Variants in SLC24A2 observed in about 807,000 individuals in gnomAD.
SLC24A2 encodes the protein solute carrier family 24 member 2.
In SLC24A2, 36 loss-of-function variants were observed where a neutral mutation model predicts 62.0. The ratio of observed to expected loss-of-function variants is 0.58; its 90% CI spans 0.44 to 0.77. The LOEUF (loss-of-function observed/expected upper bound fraction) is 0.77. SLC24A2 is among the 30% of genes least tolerant of loss of function. The pLI is 0.00. For synonymous variants in SLC24A2, 358 were observed against 294.0 expected, an observed-to-expected ratio of 1.22 and a Z score of -2.23; for missense variants, 846 against 817.9, an observed-to-expected ratio of 1.03 and a Z score of -0.42.
the SLC24A2 span, among the ~76,000 whole-genome samples, chr9:20,250,370 AG>A: frequency 6.6e-6 from 1 of 152,168 alleles, no homozygotes; most frequent in Admixed American, 6.5e-5. Context: ...GATGACAATG[AG>A]CCCCCATCTG....
intron 7 of SLC24A2, 69 bp downstream of exon 7, chr9:19,573,282 G>A: frequency 4.8e-6 from 5 of 1,042,276 alleles, no homozygotes; most frequent in Admixed American, 1.7e-5. Context: ...AGAATATAGG[G>A]TCTGTGCTGC....
At chr9:19,809,814 C>T in the SLC24A2 span, among the ~76,000 whole-genome samples, 2 of 152,110 alleles carry the variant, frequency 1.3e-5, no homozygotes, top group African/African-American at 4.8e-5. Context: ...ACTTCCGTTG[C>T]ATCAGCCACC....
intron 2 of SLC24A2, among the ~76,000 whole-genome samples, chr9:19,733,524 C>T (rs1202618217): frequency 1.3e-5 from 2 of 152,164 alleles, no homozygotes; most frequent in African/African-American, 2.4e-5. Context: ...TGAAGACTAG[C>T]ACAGCACTCA....
the SLC24A2 span, among the ~76,000 whole-genome samples, chr9:20,066,951 C>A: frequency 6.6e-6 from 1 of 152,146 alleles, no homozygotes; most frequent in Non-Finnish European, 1.5e-5. Flanking sequence ...TTAAGGAAAT[C>A]ATTCACATAA....
the SLC24A2 span, among the ~76,000 whole-genome samples, chr9:19,883,067 T>G: frequency 6.6e-6 from 1 of 152,234 alleles, no homozygotes; most frequent in African/African-American, 2.4e-5. Flanking sequence ...AATATTTGAT[T>G]AAACATTTGT....
At chr9:19,916,195 T>G in the SLC24A2 span, among the ~76,000 whole-genome samples, 1 of 152,062 alleles carries the variant, frequency 6.6e-6, no homozygotes, top group African/African-American at 2.4e-5. Flanking sequence ...TTGGAATCCT[T>G]GCAAAACATT....
chr9:19,780,440 G>A (rs1204646954), intron 2 of SLC24A2, among the ~76,000 whole-genome samples: 1 of 150,808 alleles, frequency 6.6e-6, no homozygotes, highest in Non-Finnish European at 1.5e-5. Flanking sequence ...GCTAATTTTT[G>A]TATCTTTAGT....
chr9:20,086,177 C>G, the SLC24A2 span, among the ~76,000 whole-genome samples: 1 of 152,180 alleles, frequency 6.6e-6, no homozygotes, highest in East Asian at 1.9e-4. Flanking sequence ...TTGAACATCT[C>G]CTCTCCAGCA....
At chr9:20,021,898 C>T in the SLC24A2 span, among the ~76,000 whole-genome samples, 1 of 152,270 alleles carries the variant, frequency 6.6e-6, no homozygotes, top group African/African-American at 2.4e-5. Flanking sequence ...TCAGTTTCTG[C>T]TGACTCTGCC....
At chr9:20,100,931 G>T in the SLC24A2 span, among the ~76,000 whole-genome samples, 1 of 152,248 alleles carries the variant, frequency 6.6e-6, no homozygotes, top group South Asian at 2.1e-4. Context: ...GGTCTCTCCA[G>T]AAGCAGACTT....
intron 2 of SLC24A2, among the ~76,000 whole-genome samples, chr9:19,737,770 T>A (rs926661002): frequency 6.6e-6 from 1 of 152,018 alleles, no homozygotes; most frequent in Non-Finnish European, 1.5e-5. Flanking sequence ...AAATCAATAT[T>A]AAGAAAATAT....
At chr9:19,857,345 C>A in the SLC24A2 span, among the ~76,000 whole-genome samples, 2 of 152,180 alleles carry the variant, frequency 1.3e-5, no homozygotes, top group Admixed American at 1.3e-4. Context: ...GGACAATCAT[C>A]TTCCCATCCC....
chr9:20,108,654 C>T, the SLC24A2 span, among the ~76,000 whole-genome samples: 1 of 147,014 alleles, frequency 6.8e-6, no homozygotes, highest in East Asian at 2.0e-4. Context: ...ACAATGAGAA[C>T]ACATGGACAC....
the SLC24A2 span, among the ~76,000 whole-genome samples, chr9:20,115,407 T>G: frequency 6.6e-6 from 1 of 152,122 alleles, no homozygotes; most frequent in East Asian, 1.9e-4. Flanking sequence ...GAGAATTCTT[T>G]CCTGTGCTTG....
chr9:20,032,972 T>G, the SLC24A2 span, among the ~76,000 whole-genome samples: 1 of 152,222 alleles, frequency 6.6e-6, no homozygotes, highest in Non-Finnish European at 1.5e-5. Flanking sequence ...CTTTGCCTTT[T>G]GGGGTCAAAA....
rs1191208881 is a variant in SLC24A2 at position 19,534,012 on chromosome 9, T to A, written c.1480-5874A>T. On this transcript the variant is annotated intron_variant, in intron 8 of 10. Transcript: ENST00000341998. ...AGGATCACTTTAAATGTGCAGTAGCTTTTTTGATGGTTATCTCATGCTTTC... is the reference window on the plus strand; with the variant it reads ...AGGATCACTTTAAATGTGCAGTAGCATTTTTGATGGTTATCTCATGCTTTC... Among the ~76,000 whole-genome samples the A allele has an allele frequency of 2.9e-3, 19 of 6,508 alleles. No individual in the cohort carries two copies. The Admixed American group carries it at 0.041, about 14-fold the overall frequency. 4.3% of individuals were successfully genotyped at this position (6,508 alleles called of 152,430 possible). A position where few individuals can be genotyped will look rare whatever the true frequency, so the allele number is the denominator to read the frequency against.
chr9:19,590,115 T>A (rs1836505509), intron 5 of SLC24A2, among the ~76,000 whole-genome samples: 1 of 152,180 alleles, frequency 6.6e-6, no homozygotes, highest in Admixed American at 6.5e-5. Flanking sequence ...GACCCTACTT[T>A]ACCATGGCAA....
intron 7 of SLC24A2, among the ~76,000 whole-genome samples, chr9:19,558,966 G>C (rs1835254465): frequency 6.6e-6 from 1 of 152,178 alleles, no homozygotes; most frequent in Non-Finnish European, 1.5e-5. Flanking sequence ...GGGATCGAGA[G>C]ACAAAGACCC....
At chr9:19,611,496 G>T (rs1022737069) in intron 4 of SLC24A2, among the ~76,000 whole-genome samples, 1 of 151,950 alleles carries the variant, frequency 6.6e-6, no homozygotes, top group Non-Finnish European at 1.5e-5. Flanking sequence ...AAGGCGGAAG[G>T]AGGTAGAGTG....
Sources: gnomAD v4.1 joint callset for allele counts (sites outside exome capture counted in the v4.1 genomes callset) on GRCh38, gnomAD v4.1.1 for gene constraint, MANE v1.5 for transcripts, NCBI Gene and HGNC (gene_info 2026-07-23, HGNC 2026-07-21) for gene names.